The following MAGI2 variants were observed in gnomAD, a reference collection of about 807,000 sequenced individuals.
MAGI2 encodes membrane-associated guanylate kinase, WW and PDZ domain-containing protein 2.
MAGI2 carries 35 observed loss-of-function variants against 133.3 expected under a neutral mutation model. The observed-to-expected ratio is 0.26, with a 90% CI of 0.20 to 0.35. MAGI2 has a LOEUF of 0.35. MAGI2 is among the 10% of genes least tolerant of loss of function. The probability of loss-of-function intolerance (pLI) is 1.00; values close to 1 mark genes in which losing one functional copy is unlikely to be tolerated. For missense variants in MAGI2, 1,636 were observed against 1,863.4 expected (o/e 0.88, Z 2.25); for synonymous variants, 729 against 710.6 (o/e 1.03, Z -0.41).
chr7:79,326,237 C>T (rs1839685667), intron 1 of MAGI2, among the ~76,000 whole-genome samples: 1 of 151,926 alleles, frequency 6.6e-6, no homozygotes, highest in South Asian at 2.1e-4. Flanking sequence ...TATTAAAGCA[C>T]GGCTTCTAGA....
At chr7:78,314,769 C>T (rs1787229857) in intron 9 of MAGI2, among the ~76,000 whole-genome samples, 1 of 152,086 alleles carries the variant, frequency 6.6e-6, no homozygotes, top group South Asian at 2.1e-4. Flanking sequence ...TGTTGTTATG[C>T]TTTTGATTGT....
At chr7:78,743,978 T>C (rs1245045827) in intron 2 of MAGI2, among the ~76,000 whole-genome samples, 1 of 152,168 alleles carries the variant, frequency 6.6e-6, no homozygotes, top group Admixed American at 6.5e-5. Flanking sequence ...TGTATGAGTA[T>C]TTATTTTTGT....
intron 20 of MAGI2, among the ~76,000 whole-genome samples, chr7:78,099,214 G>A (rs1318922390): frequency 6.6e-6 from 1 of 152,158 alleles, no homozygotes; most frequent in Non-Finnish European, 1.5e-5. Context: ...ATCCTTAGAT[G>A]TTTAAGAGGT....
chr7:78,125,202 C>T (rs1820863757), intron 20 of MAGI2, among the ~76,000 whole-genome samples: 1 of 152,042 alleles, frequency 6.6e-6, no homozygotes, highest in Non-Finnish European at 1.5e-5. Context: ...ATCCAAGAAG[C>T]CAAATCCCTT....
chr7:78,401,581 C>G (rs146223729), intron 6 of MAGI2, among the ~76,000 whole-genome samples: 2 of 152,078 alleles, frequency 1.3e-5, no homozygotes, highest in African/African-American at 4.8e-5. Context: ...TACATATATT[C>G]AGAAGTTTTG....
chr7:78,400,857 G>T (rs1265609814), intron 6 of MAGI2, among the ~76,000 whole-genome samples: 3 of 152,080 alleles, frequency 2.0e-5, no homozygotes, highest in Admixed American at 2.0e-4. Context: ...TTAAGTTTAT[G>T]TATATTATTT....
At chr7:78,923,142 T>C (rs1208740367) in intron 2 of MAGI2, among the ~76,000 whole-genome samples, 1 of 152,174 alleles carries the variant, frequency 6.6e-6, no homozygotes, top group Admixed American at 6.5e-5. Flanking sequence ...ATTTTGTAGG[T>C]TGCCTGTTCA....
At chr7:79,097,351 A>T (rs1817601392) in intron 1 of MAGI2, among the ~76,000 whole-genome samples, 1 of 152,228 alleles carries the variant, frequency 6.6e-6, no homozygotes, top group African/African-American at 2.4e-5. Flanking sequence ...AATTTAAAGT[A>T]ATGCCTACAT....
chr7:79,047,788 T>C (rs1812315234), intron 1 of MAGI2, among the ~76,000 whole-genome samples: 1 of 152,120 alleles, frequency 6.6e-6, no homozygotes, highest in African/African-American at 2.4e-5. Flanking sequence ...TCTAATGAAG[T>C]TCATTCATTA....
chr7:78,910,128 C>T (rs1798297808), intron 2 of MAGI2, among the ~76,000 whole-genome samples: 1 of 151,936 alleles, frequency 6.6e-6, no homozygotes, highest in Admixed American at 6.6e-5. Flanking sequence ...CATTCTGGGT[C>T]CTGTTGTGGG....
intron 1 of MAGI2, among the ~76,000 whole-genome samples, chr7:79,214,006 A>T (rs941784927): frequency 3.9e-5 from 6 of 152,044 alleles, no homozygotes; most frequent in African/African-American, 1.2e-4. Flanking sequence ...AAACATGGGA[A>T]TTTAAACTGG....
chr7:78,510,503 G>A (rs577033200), intron 4 of MAGI2, among the ~76,000 whole-genome samples: 1 of 152,190 alleles, frequency 6.6e-6, no homozygotes, highest in East Asian at 1.9e-4. Flanking sequence ...AATGATTTCT[G>A]CCTACAGAAA....
At chr7:79,011,446 C>T (rs541539477) in intron 1 of MAGI2, among the ~76,000 whole-genome samples, 259 of 152,198 alleles carry the variant, frequency 1.7e-3, no homozygotes, top group African/African-American at 5.8e-3. Flanking sequence ...AATGTTTGTG[C>T]CAAGTGTCTG....
At chr7:79,335,991 C>T (rs990942692) in intron 1 of MAGI2, among the ~76,000 whole-genome samples, 5 of 152,054 alleles carry the variant, frequency 3.3e-5, no homozygotes. Context: ...CAGCACTTAA[C>T]ATAGAGTAGA....
chr7:78,293,089 C>A (rs1796883226), intron 9 of MAGI2, among the ~76,000 whole-genome samples: 1 of 152,164 alleles, frequency 6.6e-6, no homozygotes, highest in Non-Finnish European at 1.5e-5. Flanking sequence ...CAAATGGGAT[C>A]TAATTAAACT....
chr7:78,582,910 A>G (rs777168537), intron 3 of MAGI2, among the ~76,000 whole-genome samples: 8 of 152,194 alleles, frequency 5.3e-5, no homozygotes, highest in Non-Finnish European at 1.2e-4. Flanking sequence ...TTGGGAAGCC[A>G]CTTAAAATAT....
intron 3 of MAGI2, among the ~76,000 whole-genome samples, chr7:78,529,993 A>G (rs1416530445): frequency 6.6e-6 from 1 of 152,198 alleles, no homozygotes; most frequent in Non-Finnish European, 1.5e-5. Context: ...TTACATTTAC[A>G]GCACACCTTA....
chr7:78,248,322 C>T (rs1225772714), intron 10 of MAGI2, among the ~76,000 whole-genome samples: 1 of 152,124 alleles, frequency 6.6e-6, no homozygotes, highest in East Asian at 1.9e-4. Context: ...GCAAATATAT[C>T]AAATCCAGAA....
chr7:78,086,013 T>A (rs1816599182), intron 20 of MAGI2, among the ~76,000 whole-genome samples: 1 of 152,084 alleles, frequency 6.6e-6, no homozygotes, highest in African/African-American at 2.4e-5. Flanking sequence ...TTTACAAAAA[T>A]CCTCTAAATT....
Sources: allele counts gnomAD v4.1 joint callset (sites outside exome capture counted in the v4.1 genomes callset), GRCh38; gene constraint gnomAD v4.1.1; transcripts MANE v1.5; gene names NCBI Gene and HGNC (gene_info 2026-07-23, HGNC 2026-07-21).